Variants in SPMIP3 observed in about 807,000 individuals in gnomAD.
SPMIP3 encodes protein SPMIP3.
the SPMIP3 span, among the ~76,000 whole-genome samples, chr1:244,363,246 A>T: frequency 1.3e-5 from 2 of 151,996 alleles, no homozygotes; most frequent in African/African-American, 4.8e-5. Context: ...CATCTCTACT[A>T]AAAACACAAA....
At chr1:244,376,756 CTT>C in the SPMIP3 span, among the ~76,000 whole-genome samples, 1 of 152,170 alleles carries the variant, frequency 6.6e-6, no homozygotes, top group East Asian at 1.9e-4. Context: ...TTTGTTTAAA[CTT>C]AATGTATCGT....
the SPMIP3 span, among the ~76,000 whole-genome samples, chr1:244,366,138 T>C: frequency 5.3e-5 from 8 of 152,208 alleles, no homozygotes; most frequent in South Asian, 2.1e-4. Flanking sequence ...CCCGTTGGCT[T>C]TGTGGCTTTG....
At chr1:244,372,857 T>C in the SPMIP3 span, among the ~76,000 whole-genome samples, 2 of 152,180 alleles carry the variant, frequency 1.3e-5, no homozygotes, top group Admixed American at 1.3e-4. Context: ...TGGCCATTTA[T>C]TGTGTTCCCT....
At chr1:244,373,842 A>G in the SPMIP3 span, among the ~76,000 whole-genome samples, 689 of 152,068 alleles carry the variant, frequency 4.5e-3, 7 homozygotes, top group African/African-American at 0.015. Flanking sequence ...GGCCGGGTGC[A>G]GTGGCTCATG....
the SPMIP3 span, among the ~76,000 whole-genome samples, chr1:244,363,134 G>A: frequency 5.3e-5 from 8 of 151,948 alleles, no homozygotes; most frequent in African/African-American, 1.7e-4. Context: ...GGCCAGGTAC[G>A]GTGGCTCATG....
the SPMIP3 span, among the ~76,000 whole-genome samples, chr1:244,372,444 ATTT>A: frequency 7.1e-6 from 1 of 140,802 alleles, no homozygotes. Context: ...CTGACTCTGA[ATTT>A]TTTTTTTTTT....
At chr1:244,377,099 C>G in the SPMIP3 span, among the ~76,000 whole-genome samples, 1 of 151,856 alleles carries the variant, frequency 6.6e-6, no homozygotes, top group African/African-American at 2.4e-5. Flanking sequence ...TGAGCCACTG[C>G]ACCCAGTCGT....
the SPMIP3 span, among the ~76,000 whole-genome samples, chr1:244,377,918 A>C: frequency 1.3e-5 from 2 of 151,904 alleles, no homozygotes; most frequent in African/African-American, 2.4e-5. Context: ...GGATCCTCCC[A>C]CCTGAGCCTC....
the SPMIP3 span, among the ~76,000 whole-genome samples, chr1:244,376,073 G>C: frequency 2.0e-5 from 3 of 152,138 alleles, no homozygotes; most frequent in African/African-American, 7.2e-5. Context: ...TCAGGTACCT[G>C]TTAAGCATGA....
chr1:244,362,727 A>G, the SPMIP3 span, among the ~76,000 whole-genome samples: 2 of 152,120 alleles, frequency 1.3e-5, no homozygotes, highest in African/African-American at 2.4e-5. Context: ...CCAGCTGTCT[A>G]TGCATACATA....
the SPMIP3 span, among the ~76,000 whole-genome samples, chr1:244,352,973 G>T: frequency 6.6e-6 from 1 of 151,992 alleles, no homozygotes; most frequent in Non-Finnish European, 1.5e-5. Context: ...CTTAGAAACG[G>T]GTACACCTAT....
chr1:244,359,711 A>G, the SPMIP3 span, among the ~76,000 whole-genome samples: 1 of 151,152 alleles, frequency 6.6e-6, no homozygotes, highest in Non-Finnish European at 1.5e-5. Context: ...CAATGAGAGC[A>G]AAACTCCACC....
At chr1:244,380,396 A>G in the SPMIP3 span, among the ~76,000 whole-genome samples, 1 of 152,210 alleles carries the variant, frequency 6.6e-6, no homozygotes, top group Non-Finnish European at 1.5e-5. Context: ...GTGGGATTAC[A>G]GGCGTGAGCC....
the SPMIP3 span, chr1:244,375,532 C>A: frequency 1.5e-6 from 2 of 1,317,566 alleles, no homozygotes; most frequent in South Asian, 1.2e-5. Context: ...AAAAAGGGGT[C>A]GGCGGGGGGA....
At chr1:244,379,964 CA>C in the SPMIP3 span, among the ~76,000 whole-genome samples, 99,497 of 145,738 alleles carry the variant, frequency 0.68, 33,702 homozygotes, top group Admixed American at 0.77. Flanking sequence ...GCAAAACTGT[CA>C]AAAAAAAAAA....
the SPMIP3 span, among the ~76,000 whole-genome samples, chr1:244,363,773 C>T: frequency 6.6e-6 from 1 of 152,182 alleles, no homozygotes; most frequent in Non-Finnish European, 1.5e-5. Flanking sequence ...CTTGAATGCC[C>T]CAAAGCTGGA....
chr1:244,375,767 C>T, the SPMIP3 span, among the ~76,000 whole-genome samples: 8 of 152,040 alleles, frequency 5.3e-5, no homozygotes, highest in Non-Finnish European at 8.8e-5. Flanking sequence ...CAGGTTCGAG[C>T]AATTCTCATG....
chr1:244,353,395 C>CA, the SPMIP3 span, among the ~76,000 whole-genome samples: 1 of 152,042 alleles, frequency 6.6e-6, no homozygotes, highest in Non-Finnish European at 1.5e-5. Context: ...AGAAAACAAA[C>CA]AACAACAACA....
the SPMIP3 span, among the ~76,000 whole-genome samples, chr1:244,387,987 G>T: frequency 6.6e-6 from 1 of 151,440 alleles, no homozygotes; most frequent in Non-Finnish European, 1.5e-5. Context: ...GAGTGCAATG[G>T]TGCGATCTTG....
Sources: gnomAD v4.1 joint callset for allele counts (sites outside exome capture counted in the v4.1 genomes callset) on GRCh38, gnomAD v4.1.1 for gene constraint, MANE v1.5 for transcripts, NCBI Gene and HGNC (gene_info 2026-07-23, HGNC 2026-07-21) for gene names.